FRMPD3: variants seen among roughly 807,000 people sequenced by gnomAD.
The protein encoded by FRMPD3 is FERM and PDZ domain-containing protein 3.
A neutral mutation model predicts 97.9 loss-of-function variants in FRMPD3; 42 were observed. The ratio of observed to expected loss-of-function variants is 0.43; its 90% CI spans 0.34 to 0.55. The LOEUF (loss-of-function observed/expected upper bound fraction) is 0.55, where lower values mean the gene tolerates loss of function less well. Ranked by LOEUF, FRMPD3 falls within the 20% of genes least tolerant of loss-of-function variation. The pLI is 0.03. For synonymous variants in FRMPD3, 577 were observed against 581.1 expected, an observed-to-expected ratio of 0.99 and a Z score of 0.10; for missense variants, 1,303 against 1,457.7, an observed-to-expected ratio of 0.89 and a Z score of 1.73.
At chrX:107,486,406 C>T (rs1326214248) in intron 1 of FRMPD3, among the ~76,000 whole-genome samples, 1 of 112,659 alleles carries the variant, frequency 8.9e-6, no homozygotes, top group Non-Finnish European at 1.9e-5. Context: ...AAGGCATTGT[C>T]CTCCAAAGAC....
intron 1 of FRMPD3, among the ~76,000 whole-genome samples, chrX:107,500,575 C>T (rs1249398323): frequency 9.0e-6 from 1 of 111,395 alleles, no homozygotes; most frequent in Non-Finnish European, 1.9e-5. Flanking sequence ...GGGCGACTCA[C>T]CTGAGGTCAG....
chrX:107,604,733 G>A lies in FRMPD3; in HGVS notation c.*1360G>A, dbSNP rs1569433558. ...ATATCTCCCCATTTCCCACACCCTT[G>A]TGCCCTGTGTCTGCCTCTGTTTCAT... On this transcript the variant is annotated 3_prime_UTR_variant, in exon 15 of 15. Transcript: ENST00000683843. 1 of 110,917 alleles carries A rather than the reference G, an allele frequency of 9.0e-6. No homozygotes were observed. The highest frequency in any genetic ancestry group is 9.6e-5 in the Admixed American group (1 of 10,371). The allele number at this position is 110,917 out of a possible 1,213,427, so 9.1% of individuals were successfully genotyped here.
At chrX:107,554,598 T>C in intron 8 of FRMPD3, 94 bp downstream of exon 8, 7 of 1,072,151 alleles carry the variant, frequency 6.5e-6, no homozygotes, top group Non-Finnish European at 8.8e-6. Context: ...TGTAAGTTTT[T>C]CCAACCTCCA....
chrX:107,579,800 A>G (rs184809103), intron 13 of FRMPD3, among the ~76,000 whole-genome samples: 1 of 111,612 alleles, frequency 9.0e-6, no homozygotes, highest in East Asian at 2.8e-4. Flanking sequence ...TGAGGGCCTC[A>G]GTTGGAGGAA....
chrX:107,564,782 C>T, intron 11 of FRMPD3, 105 bp from the exon 12 acceptor site: 2 of 850,393 alleles, frequency 2.4e-6, no homozygotes, highest in South Asian at 4.5e-5. Context: ...TTTCAGACCC[C>T]ACCAGAGAGT....
chrX:107,505,446 A>G (rs1207545352), intron 1 of FRMPD3, among the ~76,000 whole-genome samples: 1 of 112,155 alleles, frequency 8.9e-6, no homozygotes, highest in East Asian at 2.8e-4. Flanking sequence ...CACAGTGCCT[A>G]GCGTAAAGTA....
Position 107,545,727 on chromosome X carries a change from C to G in FRMPD3, c.298-10C>G. The G allele has an allele frequency of 8.3e-7, 1 of 1,198,205 alleles. No homozygotes were observed. Among genetic ancestry groups the G allele is most frequent in the Non-Finnish European group, 1.1e-6 (1 of 884,201 alleles). ...ATGGAGAACTCACCATCTCTCTGTT[C>G]TTTTTCCAGTCCCCCAAATCTGCTT... On this transcript the variant is annotated splice_polypyrimidine_tract_variant and intron_variant, in intron 4 of 14. Coordinates refer to ENST00000683843, the MANE Select transcript of FRMPD3 (RefSeq NM_001388459.1).
chrX:107,494,234 G>A (rs1921727020), intron 1 of FRMPD3, among the ~76,000 whole-genome samples: 1 of 111,918 alleles, frequency 8.9e-6, no homozygotes, highest in Non-Finnish European at 1.9e-5. Flanking sequence ...AGGGGGAAGA[G>A]ACTATGTAAA....
Position 107,510,209 on chromosome X carries a change from CA to C in FRMPD3, c.-7-16363del, listed in dbSNP as rs57491106. Reference sequence around the variant, plus strand: ...GTTTCTGAGTAACTGAAGGTTGGGCCAAAAAAAAAATCGTTTTTCCTACTCT... The same window carrying C: ...GTTTCTGAGTAACTGAAGGTTGGGCCAAAAAAAAATCGTTTTTCCTACTCT... On this transcript the variant is annotated intron_variant, in intron 1 of 14. Coordinates refer to ENST00000683843, the MANE Select transcript of FRMPD3 (RefSeq NM_001388459.1). Among the ~76,000 whole-genome samples, 839 of 106,975 alleles carry C rather than the reference CA, an allele frequency of 7.8e-3. 4 individuals carry two copies. Among genetic ancestry groups the C allele is most frequent in the African/African-American group, 0.024 (716 of 29,511 alleles). The allele number at this position is 106,975 out of a possible 115,157, so 92.9% of individuals were successfully genotyped here.
rs1471023429 is a variant in FRMPD3 at position 107,509,075 on chromosome X, C to T, written c.-7-17507C>T. On this transcript the variant is annotated intron_variant, in intron 1 of 14. Coordinates refer to ENST00000683843, the MANE Select transcript of FRMPD3 (RefSeq NM_001388459.1). ...TAGTATTGCTGTGCTCATTGATATT[C>T]GCCCCGCTCCCCCCAGCTTGGCCTC... Among the ~76,000 whole-genome samples, 8 of 111,635 alleles carry T rather than the reference C, an allele frequency of 7.2e-5. No individual in the cohort carries two copies. In the East Asian group the frequency reaches 8.4e-4, roughly 12 times the overall value.
chrX:107,453,745 G>A (rs1209740989), intron 1 of FRMPD3, among the ~76,000 whole-genome samples: 1 of 111,330 alleles, frequency 9.0e-6, no homozygotes, highest in Non-Finnish European at 1.9e-5. Context: ...CAAGGACAGT[G>A]ATCTTGGGGT....
chrX:107,487,115 G>A (rs774952154), intron 1 of FRMPD3, among the ~76,000 whole-genome samples: 1 of 109,159 alleles, frequency 9.2e-6, no homozygotes, highest in East Asian at 2.9e-4. Context: ...ATAACTGAGC[G>A]TGGTGGCGGG....
At chrX:107,482,776 C>T (rs1319393391) in intron 1 of FRMPD3, among the ~76,000 whole-genome samples, 2 of 111,881 alleles carry the variant, frequency 1.8e-5, no homozygotes, top group East Asian at 5.6e-4. Context: ...TTGAGCAGGG[C>T]AGTTAAGTGG....
chrX:107,549,192 C>T lies in FRMPD3; in HGVS notation c.403-857C>T, dbSNP rs190069550. Among the ~76,000 whole-genome samples the T allele has an allele frequency of 1.0e-4, 11 of 110,082 alleles. No homozygotes were observed. The East Asian group carries it at 2.0e-3, about 20-fold the overall frequency. On this transcript the variant is annotated intron_variant, in intron 5 of 14. Transcript: ENST00000683843. ...TCTGAGGGCCAGGCATGGTGACTCT[C>T]GCCTGTAATCCCAGCTACTACTAGA...
At chrX:107,561,440 C>G (rs1304178458) in intron 10 of FRMPD3, among the ~76,000 whole-genome samples, 1 of 111,890 alleles carries the variant, frequency 8.9e-6, no homozygotes, top group Non-Finnish European at 1.9e-5. Context: ...AAACCCCAGC[C>G]CAGGGGAAAG....
Position 107,449,709 on chromosome X carries a change from G to T in FRMPD3, c.-304G>T, listed in dbSNP as rs1015462452. On this transcript the variant is annotated 5_prime_UTR_variant, in exon 1 of 15. Transcript: ENST00000683843. ...CGGCGATGGTGCCGCCCGCGGCGCA[G>T]CCATGAAGCCCGCCCGAGGAGCCCG... 9.1e-6 allele frequency among the ~76,000 whole-genome samples: 1 copy of T among 109,509 alleles called. No individual in the cohort carries two copies. Among genetic ancestry groups the T allele is most frequent in the Non-Finnish European group, 1.9e-5 (1 of 52,109 alleles).
chrX:107,518,700 T>A (rs1253360983), intron 1 of FRMPD3, among the ~76,000 whole-genome samples: 2 of 112,163 alleles, frequency 1.8e-5, no homozygotes, highest in Non-Finnish European at 3.8e-5. Context: ...AAGTAAAACA[T>A]AGAATTACCT....
intron 7 of FRMPD3, 136 bp downstream of exon 7, chrX:107,553,062 A>G: frequency 1.5e-6 from 1 of 657,509 alleles, no homozygotes; most frequent in Non-Finnish European, 2.2e-6. Context: ...CAAAGCTGGT[A>G]TTATCCACCT....
At chrX:107,521,053 G>A (rs1315914266) in intron 1 of FRMPD3, among the ~76,000 whole-genome samples, 1 of 111,857 alleles carries the variant, frequency 8.9e-6, no homozygotes, top group East Asian at 2.8e-4. Flanking sequence ...TCTTCAGCTG[G>A]ACTTAAACAG....
Sources: gnomAD v4.1 joint callset for allele counts (sites outside exome capture counted in the v4.1 genomes callset) on GRCh38, gnomAD v4.1.1 for gene constraint, MANE v1.5 for transcripts, NCBI Gene and HGNC (gene_info 2026-07-23, HGNC 2026-07-21) for gene names.